Variants in SYT1 observed in about 807,000 individuals in gnomAD.
SYT1 encodes synaptotagmin-1.
Under a neutral mutation model 44.8 loss-of-function variants are expected in SYT1, and 8 were observed. The observed-to-expected ratio is 0.18, with a 90% CI of 0.10 to 0.32. SYT1 has a LOEUF of 0.32. SYT1 is among the 10% of genes least tolerant of loss of function. The pLI is 1.00. For missense variants in SYT1, 286 were observed against 509.3 expected, an observed-to-expected ratio of 0.56 and a Z score of 4.22; for synonymous variants, 154 against 188.8, an observed-to-expected ratio of 0.82 and a Z score of 1.51.
chr12:79,278,745 G>A (rs1878879404), intron 4 of SYT1, among the ~76,000 whole-genome samples: 1 of 151,694 alleles, frequency 6.6e-6, no homozygotes, highest in Non-Finnish European at 1.5e-5. Context: ...AAATAAAATC[G>A]ATAGACCAAT....
At chr12:79,113,756 T>G (rs924486691) in intron 3 of SYT1, among the ~76,000 whole-genome samples, 2 of 152,104 alleles carry the variant, frequency 1.3e-5, no homozygotes, top group Non-Finnish European at 2.9e-5. Flanking sequence ...ATAAAAGATC[T>G]GCTCACCACT....
chr12:79,180,668 C>G (rs1053370397), intron 3 of SYT1, among the ~76,000 whole-genome samples: 4 of 151,840 alleles, frequency 2.6e-5, no homozygotes, highest in African/African-American at 9.7e-5. Context: ...GGAGGTGCCA[C>G]ACACTTTTAA....
At chr12:79,312,036 T>A in intron 8 of SYT1, among the ~76,000 whole-genome samples, 1 of 151,872 alleles carries the variant, frequency 6.6e-6, no homozygotes, top group Middle Eastern at 3.4e-3. Context: ...AAATAAAAAA[T>A]AAAATTAATT....
intron 1 of SYT1, among the ~76,000 whole-genome samples, chr12:78,917,169 C>T (rs908669632): frequency 6.6e-6 from 1 of 151,856 alleles, no homozygotes; most frequent in African/African-American, 2.4e-5. Flanking sequence ...CTTATATTTC[C>T]ACCAATAGCT....
At chr12:79,064,956 GAAA>G (rs1257078124) in intron 3 of SYT1, among the ~76,000 whole-genome samples, 1 of 149,092 alleles carries the variant, frequency 6.7e-6, no homozygotes, top group African/African-American at 2.5e-5. Flanking sequence ...AAGAAAGAAA[GAAA>G]GAAAGAAAGA....
intron 1 of SYT1, among the ~76,000 whole-genome samples, chr12:78,958,850 G>A (rs1879355131): frequency 2.0e-5 from 3 of 152,114 alleles, no homozygotes; most frequent in African/African-American, 7.2e-5. Context: ...TATAGTATCT[G>A]AGAAAAATAT....
chr12:79,178,814 A>T (rs1303082196), intron 3 of SYT1, among the ~76,000 whole-genome samples: 1 of 149,736 alleles, frequency 6.7e-6, no homozygotes, highest in Non-Finnish European at 1.5e-5. Flanking sequence ...TTTCGCTCTT[A>T]TAGCCCAGGC....
intron 2 of SYT1, among the ~76,000 whole-genome samples, chr12:79,001,360 A>C (rs1028614614): frequency 6.6e-5 from 10 of 152,094 alleles, no homozygotes; most frequent in African/African-American, 2.4e-4. Context: ...GAGAACATTA[A>C]CTTTAGTTCC....
At chr12:78,968,201 A>AACC (rs1184916513) in intron 1 of SYT1, among the ~76,000 whole-genome samples, 1 of 152,150 alleles carries the variant, frequency 6.6e-6, no homozygotes, top group Non-Finnish European at 1.5e-5. Flanking sequence ...CATACTTGTG[A>AACC]ACCAGTAGGG....
At chr12:78,909,252 A>G (rs1876169644) in intron 1 of SYT1, among the ~76,000 whole-genome samples, 3 of 151,972 alleles carry the variant, frequency 2.0e-5, no homozygotes, top group Non-Finnish European at 1.5e-5. Context: ...TATGAAATTA[A>G]AGTATGCTAT....
chr12:79,152,067 A>G (rs1320809344), intron 3 of SYT1, among the ~76,000 whole-genome samples: 1 of 152,160 alleles, frequency 6.6e-6, no homozygotes, highest in Non-Finnish European at 1.5e-5. Flanking sequence ...GAGAAGTGAG[A>G]GGAGAAATTT....
At chr12:78,890,693 T>C (rs575256502) in intron 1 of SYT1, among the ~76,000 whole-genome samples, 65 of 151,930 alleles carry the variant, frequency 4.3e-4, no homozygotes, top group African/African-American at 1.4e-3. Context: ...AACTCCCTCA[T>C]CTTTCCCAAA....
intron 1 of SYT1, among the ~76,000 whole-genome samples, chr12:78,876,220 A>C (rs1000757694): frequency 6.6e-6 from 1 of 151,492 alleles, no homozygotes; most frequent in African/African-American, 2.4e-5. Context: ...TTTTTCCTCT[A>C]TCTAGTCTCA....
At chr12:79,175,771 C>T (rs1871820071) in intron 3 of SYT1, among the ~76,000 whole-genome samples, 1 of 151,944 alleles carries the variant, frequency 6.6e-6, no homozygotes, top group African/African-American at 2.4e-5. Flanking sequence ...ATGAAAGTCC[C>T]TGATTTACCC....
At chr12:79,021,933 T>C (rs1476638867) in intron 2 of SYT1, among the ~76,000 whole-genome samples, 2 of 151,610 alleles carry the variant, frequency 1.3e-5, no homozygotes, top group African/African-American at 4.8e-5. Flanking sequence ...ATCTATTATT[T>C]TTGTCTTCAT....
In SYT1 at chr12:79,307,393, T is replaced by A. The variant is rs533330144; in HGVS notation, c.810+7842T>A. On this transcript the variant is annotated intron_variant, in intron 8 of 10. Transcript: ENST00000261205. ...TAATTTTATTTATTCATTCTTTCACTGATTTCATCATATATTAAACCTCTT... is the reference window on the plus strand; with the variant it reads ...TAATTTTATTTATTCATTCTTTCACAGATTTCATCATATATTAAACCTCTT... Among the ~76,000 whole-genome samples the A allele has an allele frequency of 2.9e-3, 448 of 152,364 alleles. 2 individuals are homozygous for A. Among genetic ancestry groups the A allele is most frequent in the Middle Eastern group, 0.017 (5 of 294 alleles).
chr12:79,026,168 C>T (rs1324921531), intron 2 of SYT1, among the ~76,000 whole-genome samples: 1 of 151,558 alleles, frequency 6.6e-6, no homozygotes, highest in East Asian at 1.9e-4. Context: ...TCTAAGTTAA[C>T]AGATTGCTTA....
intron 8 of SYT1, among the ~76,000 whole-genome samples, chr12:79,317,205 T>A (rs1368830649): frequency 6.6e-6 from 1 of 152,170 alleles, no homozygotes; most frequent in Non-Finnish European, 1.5e-5. Flanking sequence ...TCAGTATCTT[T>A]GTCACCACTT....
At chr12:78,927,413 A>G (rs1303497709) in intron 1 of SYT1, among the ~76,000 whole-genome samples, 1 of 152,150 alleles carries the variant, frequency 6.6e-6, no homozygotes, top group Non-Finnish European at 1.5e-5. Context: ...TAAACAATTG[A>G]ACTGTAAATT....
Sources: gnomAD v4.1 joint callset for allele counts (sites outside exome capture counted in the v4.1 genomes callset) on GRCh38, gnomAD v4.1.1 for gene constraint, MANE v1.5 for transcripts, NCBI Gene and HGNC (gene_info 2026-07-23, HGNC 2026-07-21) for gene names.